COL5A2: variants seen among roughly 807,000 people sequenced by gnomAD.
COL5A2 encodes the protein collagen alpha-2(V) chain.
A neutral mutation model predicts 208.2 loss-of-function variants in COL5A2; 23 were observed. The observed-to-expected ratio is 0.11, with a 90% confidence interval of 0.08 to 0.16. The LOEUF (loss-of-function observed/expected upper bound fraction) is 0.16, where lower values mean the gene tolerates loss of function less well. Ranked by LOEUF, COL5A2 falls within the 10% of genes least tolerant of loss-of-function variation. The pLI is 1.00. For missense variants in COL5A2, 1,590 were observed against 1,956.4 expected, an observed-to-expected ratio of 0.81 and a Z score of 3.53; for synonymous variants, 625 against 628.5, an observed-to-expected ratio of 0.99 and a Z score of 0.08.
At chr2:189,037,157 T>A (rs544761778) in intron 51 of COL5A2, among the ~76,000 whole-genome samples, 2 of 152,270 alleles carry the variant, frequency 1.3e-5, no homozygotes, top group East Asian at 1.9e-4. Context: ...CAAATTAGAA[T>A]GAGTGTAACA....
intron 1 of COL5A2, among the ~76,000 whole-genome samples, chr2:189,189,248 C>T (rs1199455085): frequency 6.6e-6 from 1 of 152,082 alleles, no homozygotes; most frequent in Non-Finnish European, 1.5e-5. Flanking sequence ...TCTTCTTCTC[C>T]TGATAGAGAT....
At chr2:189,117,446 C>T (rs1022086820) in intron 1 of COL5A2, among the ~76,000 whole-genome samples, 3 of 152,120 alleles carry the variant, frequency 2.0e-5, no homozygotes, top group African/African-American at 7.2e-5. Context: ...ATGTGTCTGC[C>T]TACCTAAATA....
At position 189,077,335 on chromosome 2, in the gene COL5A2, T is replaced by G. The variant is rs142008633; in HGVS notation, c.1059+1181A>C. On this transcript the variant is annotated intron_variant, in intron 16 of 53. Coordinates refer to ENST00000374866, the MANE Select transcript of COL5A2 (RefSeq NM_000393.5). ...GGTAGAGGCGGGATCTGAGAAAGAA[T>G]GTATGGGTCTTGGTCCTGAAGATAC... Among the ~76,000 whole-genome samples the G allele has an allele frequency of 2.0e-4, 31 of 152,254 alleles. 1 individual carries two copies. The East Asian group carries it at 6.0e-3, about 29-fold the overall frequency.
intron 1 of COL5A2, among the ~76,000 whole-genome samples, chr2:189,155,090 C>T (rs144178461): frequency 3.3e-5 from 5 of 152,116 alleles, no homozygotes; most frequent in Admixed American, 1.3e-4. Context: ...AGGGACCCTC[C>T]CACCTCAGCC....
the COL5A2 span, among the ~76,000 whole-genome samples, chr2:189,417,802 TTG>T: frequency 0.032 from 4,862 of 151,392 alleles, 269 homozygotes; most frequent in African/African-American, 0.11. Context: ...TATTGTTCCA[TTG>T]TGTGTGTGTG....
chr2:189,430,348 A>G, the COL5A2 span, among the ~76,000 whole-genome samples: 1 of 152,210 alleles, frequency 6.6e-6, no homozygotes, highest in South Asian at 2.1e-4. Flanking sequence ...CATGAGTGAG[A>G]GGAAAAGATA....
intron 1 of COL5A2, among the ~76,000 whole-genome samples, chr2:189,222,151 T>C (rs1429050191): frequency 6.6e-6 from 1 of 152,188 alleles, no homozygotes; most frequent in Non-Finnish European, 1.5e-5. Context: ...CTCAAACAGA[T>C]GCTAATTAGT....
At chr2:189,373,422 A>G in the COL5A2 span, among the ~76,000 whole-genome samples, 1 of 152,172 alleles carries the variant, frequency 6.6e-6, no homozygotes, top group Non-Finnish European at 1.5e-5. Flanking sequence ...ATATTCATCA[A>G]CCAAAGGGGA....
intron 1 of COL5A2, among the ~76,000 whole-genome samples, chr2:189,154,819 G>A (rs1441410091): frequency 3.9e-5 from 6 of 151,970 alleles, no homozygotes; most frequent in Non-Finnish European, 7.4e-5. Context: ...TATGAGTTTA[G>A]CACCTCCATT....
At chr2:189,276,311 G>A in the COL5A2 span, among the ~76,000 whole-genome samples, 2 of 152,132 alleles carry the variant, frequency 1.3e-5, no homozygotes, top group Non-Finnish European at 2.9e-5. Context: ...AGATGATTGT[G>A]TTAGGGCTTT....
At chr2:189,317,820 T>C in the COL5A2 span, among the ~76,000 whole-genome samples, 1 of 152,152 alleles carries the variant, frequency 6.6e-6, no homozygotes. Flanking sequence ...TTGCAGGTGA[T>C]GAAAGCAGCT....
intron 3 of COL5A2, among the ~76,000 whole-genome samples, chr2:189,101,900 C>T (rs890721989): frequency 6.6e-6 from 1 of 152,048 alleles, no homozygotes; most frequent in African/African-American, 2.4e-5. Flanking sequence ...AAAGAATCAA[C>T]ATATATGGGC....
chr2:189,337,808 T>C, the COL5A2 span, among the ~76,000 whole-genome samples: 2 of 120,276 alleles, frequency 1.7e-5, no homozygotes, highest in African/African-American at 3.2e-5. Flanking sequence ...AGATTAGAAC[T>C]CTCCATCCTA....
chr2:189,088,876 T>C, intron 7 of COL5A2, 104 bp from the exon 8 acceptor site: 3 of 916,232 alleles, frequency 3.3e-6, no homozygotes, highest in Non-Finnish European at 5.5e-6. Flanking sequence ...ATAGAATGAC[T>C]CTTCTGAGAA....
the COL5A2 span, among the ~76,000 whole-genome samples, chr2:189,322,034 C>T: frequency 6.6e-6 from 1 of 152,186 alleles, no homozygotes. Flanking sequence ...CACTCAAAAC[C>T]ACTCAATTAC....
At chr2:189,224,351 G>A (rs1689385472) in intron 1 of COL5A2, among the ~76,000 whole-genome samples, 1 of 151,934 alleles carries the variant, frequency 6.6e-6, no homozygotes. Context: ...GTAAAATATA[G>A]AACAGGATAT....
At chr2:189,218,627 G>A (rs1689308033) in intron 1 of COL5A2, among the ~76,000 whole-genome samples, 1 of 152,126 alleles carries the variant, frequency 6.6e-6, no homozygotes, top group African/African-American at 2.4e-5. Context: ...ATATGAACAT[G>A]TCTTATGGTA....
the COL5A2 span, among the ~76,000 whole-genome samples, chr2:189,400,806 T>C: frequency 6.6e-6 from 1 of 152,206 alleles, no homozygotes; most frequent in South Asian, 2.1e-4. Flanking sequence ...ACTGAAAATA[T>C]AATTTTAATA....
intron 33 of COL5A2, among the ~76,000 whole-genome samples, chr2:189,057,798 A>C (rs930498996): frequency 2.6e-5 from 4 of 152,200 alleles, no homozygotes; most frequent in African/African-American, 9.6e-5. Flanking sequence ...GATATTTGAT[A>C]TTAACCTGGT....
Sources: allele counts gnomAD v4.1 joint callset (sites outside exome capture counted in the v4.1 genomes callset), GRCh38; gene constraint gnomAD v4.1.1; transcripts MANE v1.5; gene names NCBI Gene and HGNC (gene_info 2026-07-23, HGNC 2026-07-21).